The following RXFP2 variants were observed in gnomAD, a reference collection of about 807,000 sequenced individuals.
The protein encoded by RXFP2 is relaxin family peptide receptor 2.
A neutral mutation model predicts 88.6 loss-of-function variants in RXFP2; 68 were observed. The observed-to-expected ratio is 0.77, with a 90% CI of 0.63 to 0.94. The LOEUF (loss-of-function observed/expected upper bound fraction) is 0.94. RXFP2 is among the 40% of genes least tolerant of loss of function. The probability of loss-of-function intolerance (pLI) is 0.00; values close to 1 mark genes in which losing one functional copy is unlikely to be tolerated. For missense variants in RXFP2, 791 were observed against 893.9 expected (o/e 0.88, Z 1.47); for synonymous variants, 329 against 306.8 (o/e 1.07, Z -0.76).
chr13:31,785,467 T>A (rs1873490696), intron 11 of RXFP2, among the ~76,000 whole-genome samples: 1 of 151,750 alleles, frequency 6.6e-6, no homozygotes, highest in Non-Finnish European at 1.5e-5. Context: ...TTCAAACACT[T>A]CCTAATGTCC....
intron 1 of RXFP2, among the ~76,000 whole-genome samples, chr13:31,744,724 T>C (rs1288238546): frequency 6.6e-6 from 1 of 152,120 alleles, no homozygotes; most frequent in Non-Finnish European, 1.5e-5. Flanking sequence ...TTTTGTTTTT[T>C]TTTTCAGTGA....
chr13:31,799,872 G>A (rs527657644), intron 17 of RXFP2, among the ~76,000 whole-genome samples: 121 of 152,246 alleles, frequency 7.9e-4, no homozygotes, highest in African/African-American at 2.8e-3. Context: ...GGAGGCGTCC[G>A]CTCTGCTGTG....
intron 1 of RXFP2, 36 bp from the exon 2 acceptor site, chr13:31,758,222 T>C: frequency 1.2e-6 from 2 of 1,613,358 alleles, no homozygotes; most frequent in Non-Finnish European, 1.7e-6. Context: ...AGCTTGGCCA[T>C]GGTAACACTT....
rs760740889 is a variant in RXFP2 at position 31,761,709 on chromosome 13, A to G, written c.242-15A>G. ...TTTCTAGAATAAGTGACACATCTCA[A>G]TCACTATTTCACAGGTGACACTAGT... On this transcript the variant is annotated splice_polypyrimidine_tract_variant and intron_variant, in intron 2 of 17. Transcript: ENST00000298386. 6.4e-7 allele frequency: 1 copy of G among 1,574,644 alleles called. No individual in the cohort carries two copies.
At chr13:31,744,986 T>C (rs569169131) in intron 1 of RXFP2, among the ~76,000 whole-genome samples, 1 of 152,066 alleles carries the variant, frequency 6.6e-6, no homozygotes, top group Non-Finnish European at 1.5e-5. Flanking sequence ...CTGGCCAACA[T>C]GGTGAAACCC....
At position 31,802,448 on chromosome 13, in the gene RXFP2, C is replaced by G. The variant is rs1874397928; in HGVS notation, c.*43C>G. 6.3e-7 allele frequency: 1 copy of G among 1,599,768 alleles called. No homozygotes were observed. Among genetic ancestry groups the G allele is most frequent in the Non-Finnish European group, 8.5e-7 (1 of 1,169,812 alleles). On this transcript the variant is annotated 3_prime_UTR_variant, in exon 18 of 18. Coordinates refer to ENST00000298386, the MANE Select transcript of RXFP2 (RefSeq NM_130806.5). ...TGGACTTTCAGTGGACTACCTAAAACAGGGGACAGCTTTTGGAAGATGACA... is the reference window on the plus strand; with the variant it reads ...TGGACTTTCAGTGGACTACCTAAAAGAGGGGACAGCTTTTGGAAGATGACA...
chr13:31,748,952 G>C (rs566267745), intron 1 of RXFP2, among the ~76,000 whole-genome samples: 1 of 152,122 alleles, frequency 6.6e-6, no homozygotes, highest in Non-Finnish European at 1.5e-5. Flanking sequence ...GGCCAAGATC[G>C]TGCCACTGCA....
intron 9 of RXFP2, among the ~76,000 whole-genome samples, chr13:31,779,088 A>G (rs181464854): frequency 1.3e-5 from 2 of 148,842 alleles, no homozygotes; most frequent in East Asian, 2.0e-4. Context: ...TCTCATCCCT[A>G]TCTCAGGGTA....
chr13:31,779,637 A>G (rs907393913), intron 9 of RXFP2, among the ~76,000 whole-genome samples: 13 of 152,162 alleles, frequency 8.5e-5, no homozygotes, highest in African/African-American at 3.1e-4. Context: ...GGTCTTCTGC[A>G]ACAACCAGGA....
intron 3 of RXFP2, among the ~76,000 whole-genome samples, chr13:31,762,340 T>A (rs905466880): frequency 2.0e-5 from 3 of 152,086 alleles, no homozygotes; most frequent in African/African-American, 7.2e-5. Context: ...AGTCCATGGA[T>A]GAAGGAAAGG....
At chr13:31,789,679 G>C (rs906713268) in intron 14 of RXFP2, among the ~76,000 whole-genome samples, 1 of 152,188 alleles carries the variant, frequency 6.6e-6, no homozygotes, top group Non-Finnish European at 1.5e-5. Context: ...TTTGGCTAAA[G>C]TGCACTGTGT....
Position 31,739,693 on chromosome 13 carries a change from G to C in RXFP2, c.81G>C (p.Leu27=), listed in dbSNP as rs1871149429. ...TMFFLLHFIV[L]INVKDFALTQ... ...TCTTTCTACTTCATTTCATCGTTCT[G>C]ATCAATGTCAAAGGTAAGGTTGCTA... is the stretch of plus-strand genomic sequence containing the variant. Residue 27 remains leucine (L), a synonymous_variant, in exon 1 of 18, where the codon CTG becomes CTC. Coordinates refer to ENST00000298386, the MANE Select transcript of RXFP2 (RefSeq NM_130806.5). 2 of 1,601,618 alleles carry C rather than the reference G, an allele frequency of 1.2e-6. No homozygotes were observed. The highest frequency in any genetic ancestry group is 1.7e-6 in the Non-Finnish European group (2 of 1,168,890).
At chr13:31,747,162 T>A (rs1424713074) in intron 1 of RXFP2, among the ~76,000 whole-genome samples, 1 of 152,174 alleles carries the variant, frequency 6.6e-6, no homozygotes, top group African/African-American at 2.4e-5. Flanking sequence ...TTGTTCATTT[T>A]ACCTGTGAAT....
intron 2 of RXFP2, among the ~76,000 whole-genome samples, chr13:31,760,133 G>A (rs1463425443): frequency 6.6e-6 from 1 of 152,078 alleles, no homozygotes; most frequent in Non-Finnish European, 1.5e-5. Flanking sequence ...TTGTTGCCCA[G>A]GATGGAGTTC....
chr13:31,753,913 A>G (rs1025646350), intron 1 of RXFP2, among the ~76,000 whole-genome samples: 2 of 151,606 alleles, frequency 1.3e-5, no homozygotes, highest in Admixed American at 1.3e-4. Context: ...GAAGCCACAG[A>G]GAGAAAAGGG....
At chr13:31,746,314 A>T (rs1871414685) in intron 1 of RXFP2, among the ~76,000 whole-genome samples, 1 of 152,100 alleles carries the variant, frequency 6.6e-6, no homozygotes, top group Non-Finnish European at 1.5e-5. Flanking sequence ...ATGTATCAGG[A>T]TTGCTAATTG....
At chr13:31,759,380 A>G (rs550144900) in intron 2 of RXFP2, among the ~76,000 whole-genome samples, 14 of 122,974 alleles carry the variant, frequency 1.1e-4, no homozygotes, top group African/African-American at 3.5e-4. Flanking sequence ...GGATTGAGAA[A>G]GAAAGAAAGA....
At position 31,793,016 on chromosome 13, in the gene RXFP2, G is replaced by A. The variant is rs1873869346; in HGVS notation, c.1714G>A (p.Val572Ile). Residue 572 changes from valine to isoleucine, a missense_variant, in exon 16 of 18, where the codon GTA (valine) becomes ATA (isoleucine). By Grantham distance (29) the Val-to-Ile change is conservative (BLOSUM62 3). Transcript: ENST00000298386. ...YFGNFYGKNG[V>I]CFPLYYDQTE... ...TGGAAACTTTTATGGGAAAAATGGA[G>A]TATGTTTCCCACTTTATTATGACCA... The A allele has an allele frequency of 6.2e-7, 1 of 1,612,978 alleles. No homozygotes were observed. The highest frequency in any genetic ancestry group is 1.7e-5 in the Admixed American group (1 of 59,970).
At chr13:31,762,466 G>T (rs1872344553) in intron 3 of RXFP2, among the ~76,000 whole-genome samples, 1 of 152,198 alleles carries the variant, frequency 6.6e-6, no homozygotes, top group African/African-American at 2.4e-5. Context: ...GAGGTGGAGG[G>T]GCAGGAGCCG....
Sources: allele counts gnomAD v4.1 joint callset (sites outside exome capture counted in the v4.1 genomes callset), GRCh38; gene constraint gnomAD v4.1.1; transcripts MANE v1.5; gene names NCBI Gene and HGNC (gene_info 2026-07-23, HGNC 2026-07-21).